The following KLHL2 variants were observed in gnomAD, a reference collection of about 807,000 sequenced individuals.
The protein encoded by KLHL2 is kelch-like protein 2.
In KLHL2, 15 loss-of-function variants were observed where a neutral mutation model predicts 75.8. That is an observed-to-expected ratio of 0.20 (90% CI 0.13 to 0.30). The LOEUF (loss-of-function observed/expected upper bound fraction) is 0.30. Ranked by LOEUF, KLHL2 falls within the 10% of genes least tolerant of loss-of-function variation. KLHL2 has a pLI of 1.00. For synonymous variants in KLHL2, 214 were observed against 251.9 expected, an observed-to-expected ratio of 0.85 and a Z score of 1.42; for missense variants, 381 against 741.0, an observed-to-expected ratio of 0.51 and a Z score of 5.64.
chr4:165,270,116 A>G (rs959594215), intron 5 of KLHL2, among the ~76,000 whole-genome samples: 2 of 152,106 alleles, frequency 1.3e-5, no homozygotes, highest in African/African-American at 2.4e-5. Flanking sequence ...CGAATCGGCT[A>G]TTGACGCTTG....
intron 2 of KLHL2, among the ~76,000 whole-genome samples, chr4:165,222,437 T>C (rs1311766416): frequency 6.6e-6 from 1 of 152,188 alleles, no homozygotes; most frequent in East Asian, 1.9e-4. Flanking sequence ...TTGTTCTTTG[T>C]GTGGCACCCT....
chr4:165,244,200 G>C (rs1460354333), intron 4 of KLHL2, among the ~76,000 whole-genome samples: 1 of 152,108 alleles, frequency 6.6e-6, no homozygotes, highest in Non-Finnish European at 1.5e-5. Flanking sequence ...CGTTGATCAA[G>C]CCACTCCAAA....
intron 5 of KLHL2, among the ~76,000 whole-genome samples, chr4:165,276,111 G>A (rs1743073295): frequency 6.6e-6 from 1 of 152,176 alleles, no homozygotes; most frequent in African/African-American, 2.4e-5. Context: ...CTGGGCAACA[G>A]AGAGACTCCA....
chr4:165,308,448 G>A (rs1481895873), intron 9 of KLHL2, among the ~76,000 whole-genome samples: 1 of 152,040 alleles, frequency 6.6e-6, no homozygotes, highest in African/African-American at 2.4e-5. Flanking sequence ...GTCCTTAACT[G>A]TGTAAACTTG....
At chr4:165,211,666 G>A (rs1737211987) in intron 1 of KLHL2, among the ~76,000 whole-genome samples, 1 of 152,164 alleles carries the variant, frequency 6.6e-6, no homozygotes, top group Non-Finnish European at 1.5e-5. Flanking sequence ...AGTAATAATG[G>A]CCCACAAACA....
intron 3 of KLHL2, among the ~76,000 whole-genome samples, chr4:165,233,641 G>C (rs1739091860): frequency 1.3e-5 from 2 of 152,148 alleles, no homozygotes; most frequent in Non-Finnish European, 2.9e-5. Flanking sequence ...AATCTTCTCT[G>C]CTAGGCATTG....
intron 5 of KLHL2, chr4:165,278,431 T>C (rs917049077): frequency 6.7e-7 from 1 of 1,482,828 alleles, no homozygotes; most frequent in African/African-American, 1.4e-5. Flanking sequence ...CCAAAATCTC[T>C]CGAGTTTGGA....
chr4:165,294,111 C>T (rs138851625), intron 5 of KLHL2, among the ~76,000 whole-genome samples: 487 of 152,176 alleles, frequency 3.2e-3, no homozygotes, highest in Non-Finnish European at 5.6e-3. Flanking sequence ...CAACTAAGTG[C>T]GTGTATATTA....
chr4:165,305,749 A>G (rs199580521), intron 9 of KLHL2, 24 bp downstream of exon 9: 20 of 1,448,568 alleles, frequency 1.4e-5, no homozygotes, highest in Middle Eastern at 1.8e-4. Flanking sequence ...ATCATGGTCA[A>G]TTCTCTACTC....
intron 4 of KLHL2, among the ~76,000 whole-genome samples, chr4:165,243,389 A>G (rs1424537404): frequency 1.3e-5 from 2 of 152,210 alleles, no homozygotes; most frequent in African/African-American, 4.8e-5. Context: ...CTATTCCTAA[A>G]TTAATATTAT....
Position 165,300,594 on chromosome 4 carries a change from A to G in KLHL2, c.921+938A>G, listed in dbSNP as rs114044432. 3.0e-3 allele frequency among the ~76,000 whole-genome samples: 451 copies of G among 151,976 alleles called. 3 individuals are homozygous for G. The highest frequency in any genetic ancestry group is 0.01 in the African/African-American group (427 of 41,456). ...TGGCCATTCATATTTTACCAATTCA[A>G]TTTTTCTTATGAAATAACCCCTCAT... On this transcript the variant is annotated intron_variant, in intron 8 of 14. Transcript: ENST00000226725.
chr4:165,209,969 G>A (rs551294555), intron 1 of KLHL2: 1 of 1,455,200 alleles, frequency 6.9e-7, no homozygotes, highest in East Asian at 2.5e-5. Flanking sequence ...CCGTGTGCCG[G>A]ATTTGAGACT....
At chr4:165,264,371 C>T (rs1741973830) in intron 5 of KLHL2, among the ~76,000 whole-genome samples, 1 of 151,650 alleles carries the variant, frequency 6.6e-6, no homozygotes, top group Non-Finnish European at 1.5e-5. Context: ...TCACCATCCT[C>T]TCAACCTCCC....
chr4:165,238,665 A>G (rs753779408), intron 3 of KLHL2, 113 bp from the exon 4 acceptor site: 27 of 1,550,280 alleles, frequency 1.7e-5, no homozygotes, highest in Admixed American at 2.2e-5. Context: ...GTGGCTGATT[A>G]TGCTGCCTGT....
chr4:165,220,554 T>G (rs1737904140), intron 2 of KLHL2, among the ~76,000 whole-genome samples: 1 of 152,182 alleles, frequency 6.6e-6, no homozygotes, highest in East Asian at 1.9e-4. Context: ...ACTCTGTCCC[T>G]ATTTTCTTTC....
chr4:165,282,594 G>A (rs946926685), intron 5 of KLHL2, among the ~76,000 whole-genome samples: 6 of 152,100 alleles, frequency 3.9e-5, no homozygotes, highest in Non-Finnish European at 8.8e-5. Flanking sequence ...GGGTGATGAT[G>A]AAGACCCCAA....
At chr4:165,242,374 G>A (rs112556985) in intron 4 of KLHL2, among the ~76,000 whole-genome samples, 32,981 of 152,016 alleles carry the variant, frequency 0.22, 4,066 homozygotes, top group Non-Finnish European at 0.29. Context: ...TAAGGAAAGG[G>A]CACATTAGCT....
intron 5 of KLHL2, among the ~76,000 whole-genome samples, chr4:165,271,827 T>A (rs1354981367): frequency 3.9e-5 from 6 of 152,222 alleles, no homozygotes; most frequent in African/African-American, 1.4e-4. Context: ...CACTGCTCCT[T>A]TAATAGGCTC....
intron 5 of KLHL2, among the ~76,000 whole-genome samples, chr4:165,276,038 G>A (rs1470097186): frequency 6.6e-6 from 1 of 151,972 alleles, no homozygotes; most frequent in Non-Finnish European, 1.5e-5. Flanking sequence ...TGAGGCAGGC[G>A]AATAACATTA....
Sources: allele counts gnomAD v4.1 joint callset (sites outside exome capture counted in the v4.1 genomes callset), GRCh38; gene constraint gnomAD v4.1.1; transcripts MANE v1.5; gene names NCBI Gene and HGNC (gene_info 2026-07-23, HGNC 2026-07-21).